The following GRM8 variants were observed in gnomAD, a reference collection of about 807,000 sequenced individuals.
GRM8 encodes metabotropic glutamate receptor 8.
In GRM8, 47 loss-of-function variants were observed where a neutral mutation model predicts 87.2. The ratio of observed to expected loss-of-function variants is 0.54; its 90% CI spans 0.43 to 0.69. GRM8 has a LOEUF of 0.69. GRM8 is among the 30% of genes least tolerant of loss of function. The pLI is 0.00. For missense variants in GRM8, 1,019 were observed against 1,139.2 expected (o/e 0.89, Z 1.52); for synonymous variants, 396 against 404.5 (o/e 0.98, Z 0.25).
intron 7 of GRM8, among the ~76,000 whole-genome samples, chr7:126,638,852 G>A (rs761792797): frequency 6.6e-6 from 1 of 152,184 alleles, no homozygotes; most frequent in Non-Finnish European, 1.5e-5. Context: ...AGTAATTTCT[G>A]TAAGTTGTCC....
intron 6 of GRM8, among the ~76,000 whole-genome samples, chr7:126,831,142 TG>T (rs1349717805): frequency 1.3e-5 from 2 of 152,108 alleles, no homozygotes; most frequent in Non-Finnish European, 2.9e-5. Context: ...TTAGGCTGCT[TG>T]GGGGTCAGGG....
At chr7:126,857,845 A>C (rs1348010274) in intron 6 of GRM8, among the ~76,000 whole-genome samples, 1 of 152,136 alleles carries the variant, frequency 6.6e-6, no homozygotes, top group Non-Finnish European at 1.5e-5. Flanking sequence ...GCCACTTAGG[A>C]GGCTGAGGTG....
intron 8 of GRM8, among the ~76,000 whole-genome samples, chr7:126,570,335 G>A (rs189609787): frequency 6.6e-6 from 1 of 152,240 alleles, no homozygotes; most frequent in East Asian, 1.9e-4. Context: ...GCATAAGTGA[G>A]CATGAAGTGG....
rs140921960 is a variant in GRM8, at chr7:127,055,731, C to G, written c.727+50765G>C. ...TATCAAGGTGGAAAAAACACCAAAG[C>G]CCTCATTAGCTCAGATTCTACTGTT... On this transcript the variant is annotated intron_variant, in intron 3 of 10. Transcript: ENST00000339582. Among the ~76,000 whole-genome samples, 1,477 of 151,952 alleles carry G rather than the reference C, an allele frequency of 9.7e-3. 9 individuals carry two copies. The highest frequency in any genetic ancestry group is 0.016 in the Non-Finnish European group (1,091 of 67,952).
At chr7:126,733,039 G>C (rs57444874) in intron 7 of GRM8, among the ~76,000 whole-genome samples, 12 of 152,068 alleles carry the variant, frequency 7.9e-5, no homozygotes, top group Admixed American at 5.9e-4. Context: ...GCTATCATTA[G>C]TGTTAGTGTG....
intron 6 of GRM8, among the ~76,000 whole-genome samples, chr7:126,818,643 G>A (rs1346928515): frequency 6.6e-6 from 1 of 152,160 alleles, no homozygotes; most frequent in African/African-American, 2.4e-5. Flanking sequence ...TTTAAAAGTT[G>A]TAACCACATC....
intron 6 of GRM8, among the ~76,000 whole-genome samples, chr7:126,783,352 T>A (rs925721605): frequency 6.6e-6 from 1 of 152,212 alleles, no homozygotes; most frequent in Non-Finnish European, 1.5e-5. Context: ...ATAATCCCAA[T>A]TAGCTCTCCA....
intron 9 of GRM8, among the ~76,000 whole-genome samples, chr7:126,497,445 C>G (rs1808927756): frequency 1.3e-5 from 2 of 151,928 alleles, no homozygotes; most frequent in South Asian, 4.1e-4. Context: ...TAAGCTGCAA[C>G]TGCCTGAAGT....
intron 3 of GRM8, among the ~76,000 whole-genome samples, chr7:127,086,487 G>A (rs966526501): frequency 6.6e-6 from 1 of 152,128 alleles, no homozygotes; most frequent in Non-Finnish European, 1.5e-5. Flanking sequence ...TTAACTCAGT[G>A]AAGCACACAT....
At chr7:126,741,885 C>T (rs1399800478) in intron 7 of GRM8, among the ~76,000 whole-genome samples, 1 of 151,968 alleles carries the variant, frequency 6.6e-6, no homozygotes, top group Non-Finnish European at 1.5e-5. Context: ...ATGGGGATCC[C>T]AAGAGTACCA....
intron 8 of GRM8, among the ~76,000 whole-genome samples, chr7:126,609,072 AG>A (rs1798651369): frequency 6.6e-6 from 1 of 152,190 alleles, no homozygotes; most frequent in Non-Finnish European, 1.5e-5. Flanking sequence ...AAATGTACAA[AG>A]ATTACAACAA....
At chr7:126,744,524 TAA>T (rs1815413527) in intron 7 of GRM8, among the ~76,000 whole-genome samples, 1 of 152,066 alleles carries the variant, frequency 6.6e-6, no homozygotes, top group Non-Finnish European at 1.5e-5. Flanking sequence ...TTCCAACATT[TAA>T]AAGAGATACA....
chr7:126,642,818 T>A (rs1465413266), intron 7 of GRM8, among the ~76,000 whole-genome samples: 2 of 152,080 alleles, frequency 1.3e-5, no homozygotes, highest in African/African-American at 4.8e-5. Flanking sequence ...ATCTAGTTCT[T>A]CCACTCAAGA....
intron 7 of GRM8, among the ~76,000 whole-genome samples, chr7:126,738,700 G>C (rs187689851): frequency 2.9e-3 from 410 of 139,778 alleles, no homozygotes; most frequent in Non-Finnish European, 5.2e-3. Context: ...TGTGGGGGGT[G>C]AGTGGGGGGT....
chr7:126,985,232 C>T (rs1214636505), intron 3 of GRM8, among the ~76,000 whole-genome samples: 1 of 152,148 alleles, frequency 6.6e-6, no homozygotes, highest in East Asian at 1.9e-4. Context: ...GTATAAGGCC[C>T]TATGCTCAAT....
intron 6 of GRM8, among the ~76,000 whole-genome samples, chr7:126,793,003 C>A (rs1030456804): frequency 6.6e-6 from 1 of 152,150 alleles, no homozygotes; most frequent in African/African-American, 2.4e-5. Context: ...ACTTAAACTG[C>A]AGAACACTCT....
intron 6 of GRM8, among the ~76,000 whole-genome samples, chr7:126,796,465 T>G (rs1821964274): frequency 6.6e-6 from 1 of 152,136 alleles, no homozygotes; most frequent in Non-Finnish European, 1.5e-5. Flanking sequence ...AGTGGATGAC[T>G]TAAATGACCT....
intron 2 of GRM8, among the ~76,000 whole-genome samples, chr7:127,182,525 C>T (rs922410994): frequency 5.3e-5 from 8 of 151,744 alleles, no homozygotes; most frequent in Admixed American, 2.6e-4. Context: ...AGCCATTATT[C>T]GAAAAAGATA....
intron 8 of GRM8, among the ~76,000 whole-genome samples, chr7:126,573,250 A>G (rs918728300): frequency 1.3e-5 from 2 of 152,202 alleles, no homozygotes; most frequent in Non-Finnish European, 2.9e-5. Context: ...AGAAAATTTT[A>G]TTATTCTCAC....
Sources: allele counts gnomAD v4.1 joint callset (sites outside exome capture counted in the v4.1 genomes callset), GRCh38; gene constraint gnomAD v4.1.1; transcripts MANE v1.5; gene names NCBI Gene and HGNC (gene_info 2026-07-23, HGNC 2026-07-21).